Variants in UAP1 observed in about 807,000 individuals in gnomAD.
UAP1 encodes the protein UDP-N-acetylhexosamine pyrophosphorylase.
A neutral mutation model predicts 58.5 loss-of-function variants in UAP1; 25 were observed. The ratio of observed to expected loss-of-function variants is 0.43; its 90% CI spans 0.31 to 0.60. UAP1 has a LOEUF of 0.60. Ranked by LOEUF, UAP1 falls within the 20% of genes least tolerant of loss-of-function variation. The pLI, the probability that UAP1 is intolerant of heterozygous loss-of-function variation, is 0.11. For synonymous variants in UAP1, 208 were observed against 213.0 expected (o/e 0.98, Z 0.21); for missense variants, 575 against 630.0 (o/e 0.91, Z 0.93).
rs1340543008 is a variant in UAP1 at position 162,592,914 on chromosome 1, C to T, written c.1409+132C>T. ...GATGGTTGAAACTTTGGTGTGGGTGCACTGCTTACTTGGTGGCAGGTATCT... is the reference window on the plus strand; with the variant it reads ...GATGGTTGAAACTTTGGTGTGGGTGTACTGCTTACTTGGTGGCAGGTATCT... On this transcript the variant is annotated intron_variant, in intron 9 of 10. Transcript: ENST00000271469. 2.1e-5 allele frequency: 15 copies of T among 731,366 alleles called. No individual in the cohort carries two copies. In the South Asian group the frequency reaches 2.5e-4, roughly 12 times the overall value. 45.3% of individuals were successfully genotyped at this position (731,366 alleles called of 1,614,324 possible).
At chr1:162,576,449 A>C (rs897687634) in intron 2 of UAP1, among the ~76,000 whole-genome samples, 2 of 152,158 alleles carry the variant, frequency 1.3e-5, no homozygotes, top group South Asian at 2.1e-4. Context: ...GGGTTATATA[A>C]ATTTAATTGT....
intron 1 of UAP1, among the ~76,000 whole-genome samples, chr1:162,564,233 G>A (rs1234323341): frequency 6.6e-6 from 1 of 152,174 alleles, no homozygotes; most frequent in East Asian, 1.9e-4. Context: ...ACACACAGAT[G>A]TAGGTTCTCT....
chr1:162,590,324 A>C lies in UAP1; in HGVS notation c.1171A>C (p.Lys391Gln), dbSNP rs61743675. The change falls in exon 8 of 11, where the codon AAG becomes CAG. Residue 391 changes from lysine (K) to glutamine (Q), a missense_variant and splice_region_variant. Physicochemically the swap from Lys to Gln is moderately conservative, Grantham distance 53 (BLOSUM62 1). Transcript: ENST00000271469. ...GGTCTTTATATGGTTTCGCTCTAGG[A>C]AGTTTGTGGTATATGAAGTATTGCG... 2.4e-3 allele frequency: 3,936 copies of C among 1,609,130 alleles called. 82 individuals are homozygous for C. In the African/African-American group the frequency reaches 0.043, roughly 17 times the overall value.
chr1:162,577,074 T>A (rs1448597381), intron 3 of UAP1, 93 bp downstream of exon 3: 1 of 1,197,636 alleles, frequency 8.3e-7, no homozygotes, highest in Non-Finnish European at 1.2e-6. Flanking sequence ...ACAGACATAT[T>A]TCTTGTTACT....
chr1:162,590,204 A>G, intron 7 of UAP1, 119 bp from the exon 8 acceptor site: 1 of 740,428 alleles, frequency 1.4e-6, no homozygotes, highest in South Asian at 3.0e-5. Flanking sequence ...TATTTTATTC[A>G]TCATTCAGAT....
chr1:162,601,057 G>A (rs1176535854), downstream of UAP1, among the ~76,000 whole-genome samples: 2 of 152,182 alleles, frequency 1.3e-5, no homozygotes, highest in Admixed American at 6.5e-5. Context: ...GGAGAGGAGC[G>A]ATGGCTGGGG....
Position 162,590,275 on chromosome 1 carries a change from G to T in UAP1, c.1170-48G>T. The T allele has an allele frequency of 2.7e-6, 4 of 1,495,280 alleles. 1 individual carries two copies. In the South Asian group the frequency reaches 5.2e-5, roughly 19 times the overall value. 92.6% of individuals were successfully genotyped at this position (1,495,280 alleles called of 1,614,324 possible). ...TAGCTATGTTAAAGGGTTAGAAGCT[G>T]TGTATGCAGTTTCATAATAAAGAGG... On this transcript the variant is annotated intron_variant, in intron 7 of 10. Transcript: ENST00000271469.
At position 162,591,705 on chromosome 1, in the gene UAP1, C is replaced by T. The variant is rs78571473; in HGVS notation, c.1359-1027C>T. ...TTCACCATGTTGGTCAGGCTAGTCC[C>T]GAAATCCTGACCTCAGGTGATCCGC... On this transcript the variant is annotated intron_variant, in intron 8 of 10. Coordinates refer to ENST00000271469, the Ensembl canonical transcript of UAP1. Among the ~76,000 whole-genome samples, 304 of 152,022 alleles carry T rather than the reference C, an allele frequency of 2.0e-3. 6 individuals carry two copies. In the East Asian group the frequency reaches 0.05, roughly 25 times the overall value.
At chr1:162,561,869 C>G (rs1653159008) in intron 1 of UAP1, 92 bp downstream of exon 1, 1 of 152,312 alleles carries the variant, frequency 6.6e-6, no homozygotes, top group Non-Finnish European at 1.5e-5. Context: ...GCCACGCGCT[C>G]AGACGTGGAC....
At chr1:162,592,354 A>C (rs752817832) in intron 8 of UAP1, among the ~76,000 whole-genome samples, 9 of 152,188 alleles carry the variant, frequency 5.9e-5, no homozygotes, top group Non-Finnish European at 1.2e-4. Context: ...GTACCACTGC[A>C]CTCCGGCCTG....
intron 3 of UAP1, 34 bp from the exon 4 acceptor site, chr1:162,579,394 C>T (rs751204750): frequency 3.0e-5 from 43 of 1,433,252 alleles, no homozygotes; most frequent in Middle Eastern, 4.7e-4. Context: ...CCACCTAGCA[C>T]GGTTGCTTAG....
intron 2 of UAP1, among the ~76,000 whole-genome samples, chr1:162,572,875 A>G (rs1429700591): frequency 2.6e-5 from 4 of 152,228 alleles, no homozygotes; most frequent in Non-Finnish European, 5.9e-5. Flanking sequence ...AGCATTTTAT[A>G]TATGTACTAT....
chr1:162,600,766 A>G (rs1264191549), downstream of UAP1, among the ~76,000 whole-genome samples: 9 of 151,914 alleles, frequency 5.9e-5, no homozygotes, highest in Non-Finnish European at 1.3e-4. Flanking sequence ...ATAACAGCTC[A>G]ATTTTGCTAT....
At chr1:162,563,118 C>T (rs1653263146) in intron 1 of UAP1, among the ~76,000 whole-genome samples, 1 of 152,128 alleles carries the variant, frequency 6.6e-6, no homozygotes, top group Admixed American at 6.6e-5. Flanking sequence ...TATCTTTTAA[C>T]TCTTCTGTTA....
In UAP1 at chr1:162,567,535, A is replaced by C. The variant is rs59598768; in HGVS notation, c.280+1187A>C. ...TGGAGTTGAAAGCTGTGTTTTTTAT[A>C]ATCTATTACTCCTCTGTAAGTAAAA... On this transcript the variant is annotated intron_variant, in intron 2 of 10. Transcript: ENST00000271469. Among the ~76,000 whole-genome samples, 298 of 152,284 alleles carry C rather than the reference A, an allele frequency of 2.0e-3. 5 individuals are homozygous for C. In the East Asian group the frequency reaches 0.048, roughly 25 times the overall value.
chr1:162,567,415 T>C (rs967841711), intron 2 of UAP1, among the ~76,000 whole-genome samples: 2 of 152,240 alleles, frequency 1.3e-5, no homozygotes, highest in Non-Finnish European at 2.9e-5. Flanking sequence ...GCCCCAATGC[T>C]TTTCATTCTA....
chr1:162,578,831 G>A lies in UAP1; in HGVS notation c.486-597G>A, dbSNP rs537663483. Among the ~76,000 whole-genome samples the A allele has an allele frequency of 6.6e-5, 10 of 152,210 alleles. No homozygotes were observed. The East Asian group carries it at 1.9e-3, about 29-fold the overall frequency. The stretch of plus-strand genomic sequence containing the variant: ...TGAGGATAAATCAGTAACCCAAACA[G>A]GCAAAAATCCCTTCTTATATGTAGT... On this transcript the variant is annotated intron_variant, in intron 3 of 10. Transcript: ENST00000271469.
chr1:162,576,455 A>G (rs1490045101), intron 2 of UAP1, among the ~76,000 whole-genome samples: 2 of 152,182 alleles, frequency 1.3e-5, no homozygotes, highest in African/African-American at 4.8e-5. Context: ...TATAAATTTA[A>G]TTGTTTTAAT....
intron 1 of UAP1, among the ~76,000 whole-genome samples, chr1:162,564,996 G>A (rs1403938680): frequency 6.6e-6 from 1 of 152,094 alleles, no homozygotes; most frequent in African/African-American, 2.4e-5. Context: ...AGCCTTCCAA[G>A]TAGCTGGGAC....
Sources: allele counts gnomAD v4.1 joint callset (sites outside exome capture counted in the v4.1 genomes callset), GRCh38; gene constraint gnomAD v4.1.1; transcripts MANE v1.5; gene names NCBI Gene and HGNC (gene_info 2026-07-23, HGNC 2026-07-21).